The following SEMA4C variants were observed in gnomAD, a reference collection of about 807,000 sequenced individuals.
SEMA4C encodes semaphorin 4C, also known as semaphorin-4C.
SEMA4C carries 19 observed loss-of-function variants against 89.0 expected under a neutral mutation model. The observed-to-expected ratio is 0.21, with a 90% CI of 0.15 to 0.31. SEMA4C has a LOEUF of 0.31. SEMA4C is among the 10% of genes least tolerant of loss of function. The pLI, the probability that SEMA4C is intolerant of heterozygous loss-of-function variation, is 1.00. For missense variants in SEMA4C, 811 were observed against 1,107.0 expected, an observed-to-expected ratio of 0.73 and a Z score of 3.79; for synonymous variants, 428 against 472.7, an observed-to-expected ratio of 0.91 and a Z score of 1.23.
chr2:96,861,889 C>T lies in SEMA4C; in HGVS notation c.1449G>A (p.Leu483=). The change falls in exon 13 of 15, where the codon CTG becomes CTA. Residue 483 remains leucine, a synonymous_variant. Transcript: ENST00000305476. The surrounding 1 kb of genome is among the most constrained non-coding windows in gnomAD (Gnocchi z 7.8). ...RSLVLSQSKK[L]LFAGSRSQLV... ...GCTGAGAGCGGGAGCCGGCAAAGAG[C>T]AGCTTCTGCGAGAAAAGCGGGGCGC... The T allele has an allele frequency of 2.5e-6, 4 of 1,609,634 alleles. No individual in the cohort carries two copies. Among genetic ancestry groups the T allele is most frequent in the South Asian group, 1.1e-5 (1 of 90,818 alleles).
intron 1 of SEMA4C, chr2:96,869,034 G>C: frequency 2.0e-6 from 2 of 985,322 alleles, no homozygotes; most frequent in Non-Finnish European, 2.4e-6. Context: ...CCAGCTCCAG[G>C]GATTTGAACG....
At position 96,861,526 on chromosome 2, in the gene SEMA4C, C is replaced by T. The variant is rs372074786; in HGVS notation, c.1672+53G>A. On this transcript the variant is annotated intron_variant, in intron 14 of 14. Coordinates refer to ENST00000305476, the MANE Select transcript of SEMA4C (RefSeq NM_017789.5). The surrounding 1 kb of genome is among the most constrained non-coding windows in gnomAD (Gnocchi z 7.8). ...GGGCTGGGGAAGAGGAGAACAGAAACTCCAGCTCTGGTCCAGGGCTCAGCC... is the reference window on the plus strand; with the variant it reads ...GGGCTGGGGAAGAGGAGAACAGAAATTCCAGCTCTGGTCCAGGGCTCAGCC... The T allele has an allele frequency of 1.2e-6, 2 of 1,608,450 alleles. No individual in the cohort carries two copies. The highest frequency in any genetic ancestry group is 2.2e-5 in the South Asian group (2 of 90,912).
At chr2:96,867,308 T>A (rs1436749114) in intron 2 of SEMA4C, among the ~76,000 whole-genome samples, 4 of 152,066 alleles carry the variant, frequency 2.6e-5, no homozygotes, top group Non-Finnish European at 4.4e-5. Context: ...TTCACACGGG[T>A]GTGTGCACAG....
rs768756813 is a variant in SEMA4C at position 96,864,007 on chromosome 2, CCTT to C, written c.1246_1248del (p.Lys416del). The C allele has an allele frequency of 5.0e-6, 8 of 1,613,434 alleles. No individual in the cohort carries two copies. Among genetic ancestry groups the C allele is most frequent in the Non-Finnish European group, 6.8e-6 (8 of 1,180,008 alleles). ...GCCACCAGGTGGGTGAAGTTGGTGC[CCTT>C]CTTCACGAGCAGGGGGCGGCTCCAC... is the stretch of plus-strand genomic sequence containing the variant. On this transcript the variant is annotated inframe_deletion, in exon 11 of 15. Coordinates refer to ENST00000305476, the MANE Select transcript of SEMA4C (RefSeq NM_017789.5). This position sits in a 1 kb window ranked among gnomAD's most constrained non-coding sequence, Gnocchi z 6.3.
At position 96,863,664 on chromosome 2, in the gene SEMA4C, T is replaced by G. The variant is rs1407968930; in HGVS notation, c.1443+18A>C. 6.2e-7 allele frequency: 1 copy of G among 1,602,948 alleles called. No individual in the cohort carries two copies. Among genetic ancestry groups the G allele is most frequent in the Non-Finnish European group, 8.5e-7 (1 of 1,170,058 alleles). Reference sequence around the variant, plus strand: ...GGATAGTGCTGGGGACAGTGGCAGATAGGGCCCAACTTACTACCTTGCTCT... The same window carrying G: ...GGATAGTGCTGGGGACAGTGGCAGAGAGGGCCCAACTTACTACCTTGCTCT... On this transcript the variant is annotated intron_variant, in intron 12 of 14. Transcript: ENST00000305476.
intron 3 of SEMA4C, 142 bp downstream of exon 3, chr2:96,866,141 A>AC: frequency 8.0e-7 from 1 of 1,251,708 alleles, no homozygotes; most frequent in Non-Finnish European, 1.1e-6. Context: ...CCGCATGCTG[A>AC]CCCCAACCAG....
rs1019844465 is a variant in SEMA4C, at chr2:96,861,720, T to G, written c.1601+17A>C. ...CTGAGTCCCTGGAGGTCCTGGCCTA[T>G]GTAGAGCCCAACTCACCCAGAGTGG... On this transcript the variant is annotated intron_variant, in intron 13 of 14. Transcript: ENST00000305476. This position sits in a 1 kb window ranked among gnomAD's most constrained non-coding sequence, Gnocchi z 7.8. 1.2e-6 allele frequency: 2 copies of G among 1,612,754 alleles called. No individual in the cohort carries two copies. Among genetic ancestry groups the G allele is most frequent in the African/African-American group, 2.7e-5 (2 of 75,026 alleles).
rs547399851 is a variant in SEMA4C, at chr2:96,868,741, CG to C, written c.-37-819del. ...GGACTCCGGCGGCGCGCGCAGGCGA[CG>C]GGGGGAGGTAGGGGCGGGGACGCGA... On this transcript the variant is annotated intron_variant, in intron 1 of 14. Coordinates refer to ENST00000305476, the MANE Select transcript of SEMA4C (RefSeq NM_017789.5). 1.6e-4 allele frequency: 88 copies of C among 550,320 alleles called. No individual in the cohort carries two copies. The East Asian group carries it at 0.014, about 87-fold the overall frequency. The allele number at this position is 550,320 out of a possible 1,614,324, so 34.1% of individuals were successfully genotyped here.
Position 96,863,662 on chromosome 2 carries a change from GATAGGGCCC to G in SEMA4C, c.1443+11_1443+19del, listed in dbSNP as rs1440965640. 1.0e-5 allele frequency: 16 copies of G among 1,599,792 alleles called. No individual in the cohort carries two copies. Among genetic ancestry groups the G allele is most frequent in the Non-Finnish European group, 1.2e-5 (14 of 1,167,220 alleles). On this transcript the variant is annotated intron_variant, in intron 12 of 14. Transcript: ENST00000305476. ...TGGGATAGTGCTGGGGACAGTGGCA[GATAGGGCCC>G]AACTTACTACCTTGCTCTGAGATAG... is the stretch of plus-strand genomic sequence containing the variant.
chr2:96,867,761 C>A lies in SEMA4C; in HGVS notation c.109+17G>T, dbSNP rs373537822. ...CAGCCTGTCCCTGACTTCCTCCTCACCCCTCCAGGCACTCACCCCCAGAAG... is the reference window on the plus strand; with the variant it reads ...CAGCCTGTCCCTGACTTCCTCCTCAACCCTCCAGGCACTCACCCCCAGAAG... On this transcript the variant is annotated intron_variant, in intron 2 of 14. Transcript: ENST00000305476. 7 of 1,611,500 alleles carry A rather than the reference C, an allele frequency of 4.3e-6. No homozygotes were observed. In the African/African-American group the frequency reaches 5.3e-5, roughly 12 times the overall value.
rs1291980111 is a variant in SEMA4C, at chr2:96,865,768, G to C, written c.322-4C>G. 6.2e-7 allele frequency: 1 copy of C among 1,614,146 alleles called. No individual in the cohort carries two copies. Among genetic ancestry groups the C allele is most frequent in the East Asian group, 2.2e-5 (1 of 44,880 alleles). On this transcript the variant is annotated splice_polypyrimidine_tract_variant and splice_region_variant and intron_variant, in intron 4 of 14. Coordinates refer to ENST00000305476, the MANE Select transcript of SEMA4C (RefSeq NM_017789.5). Reference sequence around the variant, plus strand: ...GGATGAAGTTGAAGCACTCGGTCTGGGGGCAGAAAGGTGTCCGGTTAGTGA... The same window carrying C: ...GGATGAAGTTGAAGCACTCGGTCTGCGGGCAGAAAGGTGTCCGGTTAGTGA...
chr2:96,870,031 C>G lies in SEMA4C; in HGVS notation c.-193G>C, dbSNP rs2080170781. The G allele has an allele frequency of 1.0e-6, 1 of 984,866 alleles. No homozygotes were observed. The highest frequency in any genetic ancestry group is 1.2e-6 in the Non-Finnish European group (1 of 828,942). 61.0% of individuals were successfully genotyped at this position (984,866 alleles called of 1,614,324 possible). On this transcript the variant is annotated 5_prime_UTR_variant, in exon 1 of 15. Coordinates refer to ENST00000305476, the MANE Select transcript of SEMA4C (RefSeq NM_017789.5). Reference sequence around the variant, plus strand: ...CTCCGTCCCCGCCCGGCTCCGCGCCCCTAGGCTCGGGCTCCCCGCGCCACC... The same window carrying G: ...CTCCGTCCCCGCCCGGCTCCGCGCCGCTAGGCTCGGGCTCCCCGCGCCACC...
In SEMA4C at chr2:96,864,739, T is replaced by G. The variant is rs2153363964; in HGVS notation, c.928A>C (p.Asn310His). 1.2e-6 allele frequency: 2 copies of G among 1,612,696 alleles called. No homozygotes were observed. Among genetic ancestry groups the G allele is most frequent in the Non-Finnish European group, 1.7e-6 (2 of 1,179,022 alleles). The change falls in exon 9 of 15, where the codon AAC becomes CAC. Residue 310 changes from asparagine (N) to histidine (H), a missense_variant. Asn to His is a moderately conservative substitution (Grantham distance 68). This residue lies in a region of SEMA4C where 441 missense variants were observed against 664.9 expected (regional missense o/e 0.66). Coordinates refer to ENST00000305476, the MANE Select transcript of SEMA4C (RefSeq NM_017789.5). The surrounding 1 kb of genome is among the most constrained non-coding windows in gnomAD (Gnocchi z 6.3). ...TGAAAAACCCCAAAGAAGGTGGTGT[T>G]GTGCCAGGAGGTGTCCTGCAGGGTG... ...MHTLQDTSWH[N>H]TTFFGVFQAQ... is the part of the protein sequence containing the mutation.
intron 2 of SEMA4C, chr2:96,866,725 G>A (rs774431021): frequency 3.2e-5 from 17 of 525,688 alleles, no homozygotes; most frequent in South Asian, 2.7e-4. Flanking sequence ...TGCTCTCAGG[G>A]TCAATGGCAC....
rs2079950845 is a variant in SEMA4C, at chr2:96,861,796, G to A, written c.1542C>T (p.Asp514=). 1.2e-6 allele frequency: 2 copies of A among 1,613,184 alleles called. No homozygotes were observed. The highest frequency in any genetic ancestry group is 1.3e-5 in the African/African-American group (1 of 74,948). ...RSCADCVLAR[D]PYCAWSVNTS... is the part of the protein sequence containing the mutation. ...TGTTGACGCTCCAGGCGCAATAGGG[G>A]TCCCGGGCGAGGACACAGTCTGCAC... The change falls in exon 13 of 15, where the codon GAC becomes GAT. Residue 514 remains aspartate (D), a synonymous_variant. Coordinates refer to ENST00000305476, the MANE Select transcript of SEMA4C (RefSeq NM_017789.5). The surrounding 1 kb of genome is among the most constrained non-coding windows in gnomAD (Gnocchi z 7.8).
chr2:96,861,977 G>T lies in SEMA4C; in HGVS notation c.1444-83C>A. 7.0e-7 allele frequency: 1 copy of T among 1,436,384 alleles called. No homozygotes were observed. Among genetic ancestry groups the T allele is most frequent in the Non-Finnish European group, 9.4e-7 (1 of 1,062,462 alleles). 89.0% of individuals were successfully genotyped at this position (1,436,384 alleles called of 1,614,324 possible). A position where few individuals can be genotyped will look rare whatever the true frequency, so the allele number is the denominator to read the frequency against. On this transcript the variant is annotated intron_variant, in intron 12 of 14. Coordinates refer to ENST00000305476, the MANE Select transcript of SEMA4C (RefSeq NM_017789.5). This position sits in a 1 kb window ranked among gnomAD's most constrained non-coding sequence, Gnocchi z 7.8. Reference sequence around the variant, plus strand: ...CGGCCGGACCAGAACGCAGCATGGGGACAGCTTGGACTCCTGCAGGGGGCA... The same window carrying T: ...CGGCCGGACCAGAACGCAGCATGGGTACAGCTTGGACTCCTGCAGGGGGCA...
chr2:96,861,670 C>CA lies in SEMA4C; in HGVS notation c.1602-22dup. On this transcript the variant is annotated intron_variant, in intron 13 of 14. Coordinates refer to ENST00000305476, the MANE Select transcript of SEMA4C (RefSeq NM_017789.5). This position sits in a 1 kb window ranked among gnomAD's most constrained non-coding sequence, Gnocchi z 7.8. ...GAGATCTGGTAGGGGATGTAGGGTACATCAGCAGCCTGGCTCCAACCACCC... is the reference window on the plus strand; with the variant it reads ...GAGATCTGGTAGGGGATGTAGGGTACAATCAGCAGCCTGGCTCCAACCACCC... The CA allele has an allele frequency of 6.3e-7, 1 of 1,591,080 alleles. No individual in the cohort carries two copies. Among genetic ancestry groups the CA allele is most frequent in the African/African-American group, 1.3e-5 (1 of 74,644 alleles).
chr2:96,860,395 T>C lies in SEMA4C; in HGVS notation c.*231A>G. 1 of 519,700 alleles carries C rather than the reference T, an allele frequency of 1.9e-6. No individual in the cohort carries two copies. Among genetic ancestry groups the C allele is most frequent in the Non-Finnish European group, 3.4e-6 (1 of 296,212 alleles). 32.2% of individuals were successfully genotyped at this position (519,700 alleles called of 1,614,324 possible). A position where few individuals can be genotyped will look rare whatever the true frequency, so the allele number is the denominator to read the frequency against. On this transcript the variant is annotated 3_prime_UTR_variant, in exon 15 of 15. Transcript: ENST00000305476. The stretch of plus-strand genomic sequence containing the variant: ...TGGCGGCTGGGGTCCCGCGTGTCTG[T>C]GATTCACAGAGAGGAGGAAGATGCC...
chr2:96,865,120 G>A lies in SEMA4C; in HGVS notation c.635-5C>T, dbSNP rs2080039599. On this transcript the variant is annotated splice_region_variant and splice_polypyrimidine_tract_variant and intron_variant, in intron 7 of 14. Coordinates refer to ENST00000305476, the MANE Select transcript of SEMA4C (RefSeq NM_017789.5). ...CAGAGCCTACAAAGTGAGGTTCTGT[G>A]GGAAGGGGAGGAGGTCAGCAGGGAG... 6.3e-7 allele frequency: 1 copy of A among 1,582,724 alleles called. No individual in the cohort carries two copies. Among genetic ancestry groups the A allele is most frequent in the East Asian group, 2.3e-5 (1 of 43,100 alleles).
Sources: allele counts gnomAD v4.1 joint callset (sites outside exome capture counted in the v4.1 genomes callset), GRCh38; gene constraint gnomAD v4.1.1; regional missense constraint gnomAD v4.1.1; non-coding constraint Gnocchi (gnomAD v3.1); transcripts MANE v1.5; gene names NCBI Gene and HGNC (gene_info 2026-07-23, HGNC 2026-07-21).